The following EFCAB13 variants were observed in gnomAD, a reference collection of about 807,000 sequenced individuals.
EFCAB13 encodes the protein EF-hand calcium-binding domain-containing protein 13.
Under a neutral mutation model 110.2 loss-of-function variants are expected in EFCAB13, and 91 were observed. That is an observed-to-expected ratio of 0.83 (90% confidence interval 0.70 to 0.98). The LOEUF (loss-of-function observed/expected upper bound fraction) is 0.98. Ranked by LOEUF, EFCAB13 falls within the 50% of genes least tolerant of loss-of-function variation. The pLI, the probability that EFCAB13 is intolerant of heterozygous loss-of-function variation, is 0.00. For synonymous variants in EFCAB13, 323 were observed against 369.9 expected, an observed-to-expected ratio of 0.87 and a Z score of 1.45; for missense variants, 968 against 1,119.4, an observed-to-expected ratio of 0.86 and a Z score of 1.93.
intron 15 of EFCAB13, among the ~76,000 whole-genome samples, chr17:47,391,787 T>TA (rs11284513): frequency 1.3e-5 from 2 of 151,594 alleles, no homozygotes; most frequent in Non-Finnish European, 2.9e-5. Context: ...TCTTTTTAAT[T>TA]AAAAAAAAAT....
In EFCAB13 at chr17:47,347,804, G is replaced by T; in HGVS notation, c.518-4G>T. 1 of 1,471,982 alleles carries T rather than the reference G, an allele frequency of 6.8e-7. No homozygotes were observed. The highest frequency in any genetic ancestry group is 9.1e-7 in the Non-Finnish European group (1 of 1,094,104). The allele number at this position is 1,471,982 out of a possible 1,614,324, so 91.2% of individuals were successfully genotyped here. On this transcript the variant is annotated splice_region_variant and splice_polypyrimidine_tract_variant and intron_variant, in intron 8 of 24. Coordinates refer to ENST00000331493, the MANE Select transcript of EFCAB13 (RefSeq NM_152347.5). The stretch of plus-strand genomic sequence containing the variant: ...TAACTAAATGTTTTGTTATGTGTGT[G>T]CAGCACTTCATAAAGCCTGTAAAAT...
intron 19 of EFCAB13, 62 bp downstream of exon 19, chr17:47,404,083 G>A: frequency 7.8e-7 from 1 of 1,288,582 alleles, no homozygotes; most frequent in Non-Finnish European, 1.1e-6. Flanking sequence ...GATGTGCAAG[G>A]TCTATAGGTA....
At chr17:47,375,220 A>G (rs1054750346) in intron 12 of EFCAB13, among the ~76,000 whole-genome samples, 1 of 152,122 alleles carries the variant, frequency 6.6e-6, no homozygotes, top group East Asian at 1.9e-4. Context: ...TGCCTATGCA[A>G]AAATTCTGGA....
At chr17:47,388,378 T>C (rs2065688141) in intron 14 of EFCAB13, among the ~76,000 whole-genome samples, 1 of 152,160 alleles carries the variant, frequency 6.6e-6, no homozygotes, top group Non-Finnish European at 1.5e-5. Context: ...AACATCTGCT[T>C]GGAGATTTTC....
chr17:47,360,255 G>A (rs573605739), intron 9 of EFCAB13, among the ~76,000 whole-genome samples: 8,195 of 152,002 alleles, frequency 0.054, 245 homozygotes, highest in Middle Eastern at 0.15. Flanking sequence ...GTGTAAAAGT[G>A]TTCCTATTTC....
intron 14 of EFCAB13, among the ~76,000 whole-genome samples, chr17:47,383,061 T>A (rs2065655873): frequency 6.6e-6 from 1 of 152,178 alleles, no homozygotes; most frequent in South Asian, 2.1e-4. Context: ...ATTTTCTAGT[T>A]TATTTGTGTA....
rs2065602185 is a variant in EFCAB13, at chr17:47,374,453, G to A, written c.878-19G>A. The stretch of plus-strand genomic sequence containing the variant: ...AATTATACAGGTAAATGAAATAATT[G>A]TATATTTCTCTTATTTAGCAATTAC... On this transcript the variant is annotated intron_variant, in intron 11 of 24. Transcript: ENST00000331493. 6.9e-7 allele frequency: 1 copy of A among 1,447,344 alleles called. No homozygotes were observed. The highest frequency in any genetic ancestry group is 1.5e-5 in the South Asian group (1 of 65,316). The allele number at this position is 1,447,344 out of a possible 1,614,324, so 89.7% of individuals were successfully genotyped here.
chr17:47,409,424 T>C (rs1232221592), intron 20 of EFCAB13: 1 of 463,018 alleles, frequency 2.2e-6, no homozygotes, highest in Non-Finnish European at 4.0e-6. Flanking sequence ...ATTTAAGGAG[T>C]TGGTGGAAGA....
chr17:47,362,214 G>A (rs1299700847), intron 10 of EFCAB13, among the ~76,000 whole-genome samples: 3 of 151,936 alleles, frequency 2.0e-5, no homozygotes, highest in Non-Finnish European at 4.4e-5. Context: ...TTAGTTTGTA[G>A]CAATTACTCT....
At chr17:47,369,157 A>G (rs1196071035) in intron 10 of EFCAB13, among the ~76,000 whole-genome samples, 1 of 152,206 alleles carries the variant, frequency 6.6e-6, no homozygotes, top group Non-Finnish European at 1.5e-5. Flanking sequence ...TTTGTTTTTG[A>G]TAGACCGACT....
chr17:47,383,149 T>C (rs1449020661), intron 14 of EFCAB13, among the ~76,000 whole-genome samples: 3 of 152,186 alleles, frequency 2.0e-5, no homozygotes, highest in South Asian at 2.1e-4. Flanking sequence ...TCATTTTTTA[T>C]TGTGTCTATT....
At chr17:47,365,864 G>C (rs538166655) in intron 10 of EFCAB13, among the ~76,000 whole-genome samples, 2 of 152,190 alleles carry the variant, frequency 1.3e-5, no homozygotes, top group African/African-American at 4.8e-5. Context: ...AAGTGACTCA[G>C]GAATCCTCAA....
rs2065707440 is a variant in EFCAB13 at position 47,391,494 on chromosome 17, A to G, written c.1640A>G (p.Glu547Gly). ...ATTAAAGATAAAAATGTGGATTATG[A>G]GGATCTAAATACTTGTCTTCAAAAT... ...DKIKDKNVDY[E>G]DLNTCLQNFG... is the part of the protein sequence containing the mutation. Residue 547 changes from glutamate (E) to glycine (G), a missense_variant, in exon 15 of 25, where the codon GAG (glutamate) becomes GGG (glycine). Transcript: ENST00000331493. 5.7e-6 allele frequency: 9 copies of G among 1,592,860 alleles called. No individual in the cohort carries two copies. Among genetic ancestry groups the G allele is most frequent in the Admixed American group, 1.8e-5 (1 of 56,190 alleles).
At chr17:47,428,643 C>T (rs755647375) in intron 23 of EFCAB13, among the ~76,000 whole-genome samples, 32 of 151,984 alleles carry the variant, frequency 2.1e-4, no homozygotes, top group Non-Finnish European at 4.1e-4. Flanking sequence ...AAAGGATGGC[C>T]TTTTAAATAA....
At chr17:47,364,275 T>G (rs148339914) in intron 10 of EFCAB13, among the ~76,000 whole-genome samples, 17 of 152,180 alleles carry the variant, frequency 1.1e-4, no homozygotes, top group Non-Finnish European at 2.9e-5. Flanking sequence ...TTTAAAAACT[T>G]TTCTCCTTTT....
Position 47,395,935 on chromosome 17 carries a change from A to G in EFCAB13, c.1903A>G (p.Lys635Glu). 6.2e-7 allele frequency: 1 copy of G among 1,609,486 alleles called. No homozygotes were observed. Among genetic ancestry groups the G allele is most frequent in the Non-Finnish European group, 8.5e-7 (1 of 1,176,904 alleles). The part of the protein sequence containing the change: ...TLSSLNSNLK[K>E]DEFLAALELV... ...GTCTAGTTTGAATAGTAATTTAAAAAAGGATGAATTTCTAGCTGCATTGGA... is the reference window on the plus strand; with the variant it reads ...GTCTAGTTTGAATAGTAATTTAAAAGAGGATGAATTTCTAGCTGCATTGGA... Residue 635 changes from lysine (K) to glutamate (E), a missense_variant, in exon 17 of 25, where the codon AAG becomes GAG. Lys to Glu is a moderately conservative substitution (Grantham distance 56). Coordinates refer to ENST00000331493, the MANE Select transcript of EFCAB13 (RefSeq NM_152347.5).
intron 7 of EFCAB13, among the ~76,000 whole-genome samples, 161 bp downstream of exon 7, chr17:47,344,453 A>T (rs771389193): frequency 5.9e-5 from 9 of 152,128 alleles, no homozygotes; most frequent in Non-Finnish European, 1.3e-4. Context: ...TGGAATTGGA[A>T]GACTTAGATT....
intron 7 of EFCAB13, among the ~76,000 whole-genome samples, 155 bp from the exon 8 acceptor site, chr17:47,344,861 C>T (rs1301767555): frequency 6.6e-6 from 1 of 152,138 alleles, no homozygotes; most frequent in Non-Finnish European, 1.5e-5. Context: ...TAAGGTGAGA[C>T]TTCTGAAGTG....
At chr17:47,335,128 C>T in intron 4 of EFCAB13, 68 bp from the exon 5 acceptor site, 1 of 1,411,850 alleles carries the variant, frequency 7.1e-7, no homozygotes, top group East Asian at 2.5e-5. Flanking sequence ...AATGATTGAC[C>T]CAGAATGTCA....
Sources: gnomAD v4.1 joint callset for allele counts (sites outside exome capture counted in the v4.1 genomes callset) on GRCh38, gnomAD v4.1.1 for gene constraint, MANE v1.5 for transcripts, NCBI Gene and HGNC (gene_info 2026-07-23, HGNC 2026-07-21) for gene names.